The following GLS variants were observed in gnomAD, a reference collection of about 807,000 sequenced individuals.
The protein encoded by GLS is glutaminase.
A neutral mutation model predicts 86.7 loss-of-function variants in GLS; 36 were observed. That is an observed-to-expected ratio of 0.42 (90% CI 0.32 to 0.55). GLS has a LOEUF of 0.55. Among genes scored for constraint, GLS ranks in the 20% least tolerant of loss-of-function variants. The pLI, the probability that GLS is intolerant of heterozygous loss-of-function variation, is 0.17. For synonymous variants in GLS, 317 were observed against 305.9 expected (o/e 1.04, Z -0.38); for missense variants, 528 against 833.4 (o/e 0.63, Z 4.51).
At chr2:190,884,233 G>A (rs1432265303) in intron 1 of GLS, among the ~76,000 whole-genome samples, 3 of 152,086 alleles carry the variant, frequency 2.0e-5, no homozygotes, top group Non-Finnish European at 4.4e-5. Flanking sequence ...TCTCAACAGC[G>A]TATCCCTTCT....
At position 190,931,526 on chromosome 2, in the gene GLS, T is replaced by C; in HGVS notation, c.1558-19T>C. The stretch of plus-strand genomic sequence containing the variant: ...TGAATAGCCAATTTCTTATACCTGC[T>C]CTGTATAACTGTTTACAGGATCTTG... On this transcript the variant is annotated intron_variant, in intron 13 of 17. Transcript: ENST00000320717. 1.8e-6 allele frequency: 2 copies of C among 1,135,424 alleles called. No individual in the cohort carries two copies. The highest frequency in any genetic ancestry group is 2.6e-6 in the Non-Finnish European group (2 of 763,910). The allele number at this position is 1,135,424 out of a possible 1,614,324, so 70.3% of individuals were successfully genotyped here.
chr2:190,918,128 C>T (rs560473102), intron 7 of GLS, among the ~76,000 whole-genome samples: 1 of 152,198 alleles, frequency 6.6e-6, no homozygotes, highest in African/African-American at 2.4e-5. Flanking sequence ...CTGCCTTAGC[C>T]CCTAACAGGT....
chr2:190,925,463 T>C (rs1480259568), intron 11 of GLS, among the ~76,000 whole-genome samples: 2 of 152,158 alleles, frequency 1.3e-5, no homozygotes, highest in Non-Finnish European at 2.9e-5. Context: ...AGAACTCAAT[T>C]TAGAATAGCC....
At position 190,943,355 on chromosome 2, in the gene GLS, T is replaced by C. The variant is rs1690497703; in HGVS notation, c.1651-10210T>C. Among the ~76,000 whole-genome samples, 1 of 152,052 alleles carries C rather than the reference T, an allele frequency of 6.6e-6. No individual in the cohort carries two copies. The highest frequency in any genetic ancestry group is 2.1e-4 in the South Asian group (1 of 4,828). On this transcript the variant is annotated intron_variant, in intron 14 of 17. Coordinates refer to ENST00000320717, the MANE Select transcript of GLS (RefSeq NM_014905.5). The surrounding 1 kb of genome is among the most constrained non-coding windows in gnomAD (Gnocchi z 4.5). Reference sequence around the variant, plus strand: ...TGGTGTGTGAGATTGCTTAAGGTGATAGTATAAAGTGATAAGGAAAGTGTA... The same window carrying C: ...TGGTGTGTGAGATTGCTTAAGGTGACAGTATAAAGTGATAAGGAAAGTGTA...
At chr2:190,939,637 TTA>T (rs1425973314) in intron 14 of GLS, among the ~76,000 whole-genome samples, 1 of 151,706 alleles carries the variant, frequency 6.6e-6, no homozygotes, top group Non-Finnish European at 1.5e-5. Context: ...TTTTGTTATT[TTA>T]TATGTGTTAT....
At position 190,913,679 on chromosome 2, in the gene GLS, T is replaced by C; in HGVS notation, c.1038+3358T>C. The C allele has an allele frequency of 1.0e-6, 1 of 975,848 alleles. No homozygotes were observed. Among genetic ancestry groups the C allele is most frequent in the Non-Finnish European group, 1.2e-6 (1 of 821,272 alleles). The allele number at this position is 975,848 out of a possible 1,614,324, so 60.4% of individuals were successfully genotyped here. ...TTAAAAGTTAAGATCTGGTGATAAC[T>C]TAAGGGTTAGGATAGGAAAATGAGG... On this transcript the variant is annotated intron_variant, in intron 7 of 17. Transcript: ENST00000320717. The surrounding 1 kb of genome is among the most constrained non-coding windows in gnomAD (Gnocchi z 6.1).
In GLS at chr2:190,881,384, G is replaced by A. The variant is rs1360677980; in HGVS notation, c.300G>A (p.Pro100=). Reference sequence around the variant, plus strand: ...CCGGGGTGTCGCCACCCGCTGCCCCGGCGGCGCCCGGCCCCAAGGACGGCC... The same window carrying A: ...CCGGGGTGTCGCCACCCGCTGCCCCAGCGGCGCCCGGCCCCAAGGACGGCC... ...PQPGVSPPAA[P]AAPGPKDGPG... The change falls in exon 1 of 18, where the codon CCG becomes CCA. Residue 100 remains proline, a synonymous_variant. Coordinates refer to ENST00000320717, the MANE Select transcript of GLS (RefSeq NM_014905.5). The A allele has an allele frequency of 1.3e-6, 2 of 1,541,034 alleles. No homozygotes were observed. The highest frequency in any genetic ancestry group is 8.7e-7 in the Non-Finnish European group (1 of 1,143,214).
chr2:190,893,687 G>A (rs1473583835), intron 1 of GLS, among the ~76,000 whole-genome samples: 1 of 152,112 alleles, frequency 6.6e-6, no homozygotes, highest in Non-Finnish European at 1.5e-5. Context: ...CCGGGTTCAA[G>A]CTATTCTCCT....
chr2:190,890,364 C>G lies in GLS; in HGVS notation c.387-4788C>G, dbSNP rs142255015. Among the ~76,000 whole-genome samples, 859 of 152,100 alleles carry G rather than the reference C, an allele frequency of 5.6e-3. 4 individuals carry two copies. Among genetic ancestry groups the G allele is most frequent in the Non-Finnish European group, 9.0e-3 (609 of 67,966 alleles). ...ACACTCTTCTAGGACTCTCTTTTATCTGTACACTGGGGACAATTAACCCAC... is the reference window on the plus strand; with the variant it reads ...ACACTCTTCTAGGACTCTCTTTTATGTGTACACTGGGGACAATTAACCCAC... On this transcript the variant is annotated intron_variant, in intron 1 of 17. Transcript: ENST00000320717.
chr2:190,913,408 G>A lies in GLS; in HGVS notation c.1038+3087G>A. The A allele has an allele frequency of 2.2e-6, 2 of 919,000 alleles. No homozygotes were observed. The highest frequency in any genetic ancestry group is 2.7e-6 in the Non-Finnish European group (2 of 728,004). 56.9% of individuals were successfully genotyped at this position (919,000 alleles called of 1,614,324 possible). A position where few individuals can be genotyped will look rare whatever the true frequency, so the allele number is the denominator to read the frequency against. ...ACAAATGTAATTTTATACTTAAAAT[G>A]CACATAATTTTTAAAAATCATAAGG... On this transcript the variant is annotated intron_variant, in intron 7 of 17. Transcript: ENST00000320717. The surrounding 1 kb of genome is among the most constrained non-coding windows in gnomAD (Gnocchi z 6.1).
At chr2:190,944,194 G>A (rs1486166638) in intron 14 of GLS, among the ~76,000 whole-genome samples, 2 of 109,638 alleles carry the variant, frequency 1.8e-5, no homozygotes, top group Admixed American at 8.3e-5. Context: ...CCAATGGCCT[G>A]GATTTTTTTT....
rs1460899444 is a variant in GLS at position 190,930,854 on chromosome 2, T to C, written c.1557+286T>C. ...AAAGCTCAACAAAAGGTATTAAACT[T>C]GGAGAAGTAATTTAAAAGCCAGTAT... On this transcript the variant is annotated intron_variant, in intron 13 of 17. Coordinates refer to ENST00000320717, the MANE Select transcript of GLS (RefSeq NM_014905.5). The surrounding 1 kb of genome is among the most constrained non-coding windows in gnomAD (Gnocchi z 5.0). Among the ~76,000 whole-genome samples, 1 of 152,218 alleles carries C rather than the reference T, an allele frequency of 6.6e-6. No individual in the cohort carries two copies. Among genetic ancestry groups the C allele is most frequent in the African/African-American group, 2.4e-5 (1 of 41,458 alleles).
rs572935316 is a variant in GLS, at chr2:190,961,355, G to A, written c.1854-1475G>A. ...TGGGATTACAGGTGTGTTCCACCAC[G>A]CCCAGCTAATTTTTGTATTTTTAGT... On this transcript the variant is annotated intron_variant, in intron 17 of 17. Coordinates refer to ENST00000320717, the MANE Select transcript of GLS (RefSeq NM_014905.5). Among the ~76,000 whole-genome samples, 9 of 152,202 alleles carry A rather than the reference G, an allele frequency of 5.9e-5. No individual in the cohort carries two copies. In the East Asian group the frequency reaches 7.7e-4, roughly 13 times the overall value.
At chr2:190,911,776 A>C (rs1321565470) in intron 7 of GLS, among the ~76,000 whole-genome samples, 1 of 152,086 alleles carries the variant, frequency 6.6e-6, no homozygotes, top group Non-Finnish European at 1.5e-5. Context: ...TTCTTCCCAG[A>C]AAAATATCCA....
At position 190,938,675 on chromosome 2, in the gene GLS, AGGATGGACTT is replaced by A. The variant is rs1244071417; in HGVS notation, c.1650+7039_1650+7048del. Reference sequence around the variant, plus strand: ...GGGTTGGTCTGTTTTGTGTTTTGTTAGGATGGACTTTCTGTTTGTAGATGTTTCTGTTTGT... The same window carrying A: ...GGGTTGGTCTGTTTTGTGTTTTGTTATCTGTTTGTAGATGTTTCTGTTTGT... On this transcript the variant is annotated intron_variant, in intron 14 of 17. Coordinates refer to ENST00000320717, the MANE Select transcript of GLS (RefSeq NM_014905.5). The surrounding 1 kb of genome is among the most constrained non-coding windows in gnomAD (Gnocchi z 4.1). Among the ~76,000 whole-genome samples the A allele has an allele frequency of 2.2e-4, 33 of 151,646 alleles. 3 individuals carry two copies. Among genetic ancestry groups the A allele is most frequent in the Admixed American group, 1.1e-3 (17 of 15,198 alleles).
At chr2:190,922,403 A>G (rs1043755577) in intron 9 of GLS, among the ~76,000 whole-genome samples, 1 of 152,122 alleles carries the variant, frequency 6.6e-6, no homozygotes, top group Non-Finnish European at 1.5e-5. Flanking sequence ...GCTTCCCAAC[A>G]TTAATTCATC....
At position 190,905,045 on chromosome 2, in the gene GLS, C is replaced by G. The variant is rs1689085239; in HGVS notation, c.857C>G (p.Ser286Cys). The change falls in exon 6 of 18, where the codon TCC becomes TGC. Residue 286 changes from serine to cysteine, a missense_variant. By Grantham distance (112) the Ser-to-Cys change is moderately radical (BLOSUM62 -1). Around this residue, in one of 4 missense-constraint regions of GLS, gnomAD observed 163 missense variants for 429.2 expected, o/e 0.38. Coordinates refer to ENST00000320717, the MANE Select transcript of GLS (RefSeq NM_014905.5). This position sits in a 1 kb window ranked among gnomAD's most constrained non-coding sequence, Gnocchi z 4.6. ...ACCAAAGTTCCCTTCTGTCTTCAGT[C>G]CTGTGTAAAACCTTTGAAATATGCC... ...GDTKVPFCLQ[S>C]CVKPLKYAIA... 1 of 1,601,048 alleles carries G rather than the reference C, an allele frequency of 6.2e-7. No homozygotes were observed. The highest frequency in any genetic ancestry group is 8.6e-7 in the Non-Finnish European group (1 of 1,168,246).
In GLS at chr2:190,924,861, G is replaced by A; in HGVS notation, c.1248+268G>A. The A allele has an allele frequency of 3.1e-6, 1 of 326,014 alleles. No individual in the cohort carries two copies. Among genetic ancestry groups the A allele is most frequent in the South Asian group, 3.9e-5 (1 of 25,600 alleles). The allele number at this position is 326,014 out of a possible 1,614,324, so 20.2% of individuals were successfully genotyped here. On this transcript the variant is annotated intron_variant, in intron 11 of 17. Coordinates refer to ENST00000320717, the MANE Select transcript of GLS (RefSeq NM_014905.5). This position sits in a 1 kb window ranked among gnomAD's most constrained non-coding sequence, Gnocchi z 5.2. Reference sequence around the variant, plus strand: ...ACCTGGAAGGCCGAGGTTGCAGTGAGCCGAGATCACGCCACTGCATTCCAG... The same window carrying A: ...ACCTGGAAGGCCGAGGTTGCAGTGAACCGAGATCACGCCACTGCATTCCAG...
intron 14 of GLS, among the ~76,000 whole-genome samples, chr2:190,944,894 C>T (rs1031187464): frequency 6.6e-6 from 1 of 151,892 alleles, no homozygotes; most frequent in Non-Finnish European, 1.5e-5. Flanking sequence ...TTTATTTTCC[C>T]TTCATTTAAA....
Sources: gnomAD v4.1 joint callset for allele counts (sites outside exome capture counted in the v4.1 genomes callset) on GRCh38, gnomAD v4.1.1 for gene constraint, gnomAD v4.1.1 regional missense constraint, Gnocchi (gnomAD v3.1) non-coding constraint, MANE v1.5 for transcripts, NCBI Gene and HGNC (gene_info 2026-07-23, HGNC 2026-07-21) for gene names.